The following CDH12 variants were observed in gnomAD, a reference collection of about 807,000 sequenced individuals.
The protein encoded by CDH12 is cadherin 12, also known as cadherin-12.
Under a neutral mutation model 74.1 loss-of-function variants are expected in CDH12, and 41 were observed. The observed-to-expected ratio is 0.55, with a 90% CI of 0.43 to 0.72. CDH12 has a LOEUF of 0.72. Among genes scored for constraint, CDH12 ranks in the 30% least tolerant of loss-of-function variants. CDH12 has a pLI of 0.00. For missense variants in CDH12, 945 were observed against 977.2 expected, an observed-to-expected ratio of 0.97 and a Z score of 0.44; for synonymous variants, 399 against 355.0, an observed-to-expected ratio of 1.12 and a Z score of -1.39.
At chr5:22,005,712 A>C (rs116168157) in intron 5 of CDH12, among the ~76,000 whole-genome samples, 6,886 of 152,228 alleles carry the variant, frequency 0.045, 394 homozygotes, top group African/African-American at 0.14. Flanking sequence ...TTTACACTGC[A>C]AATATACCCA....
intron 1 of CDH12, among the ~76,000 whole-genome samples, chr5:22,609,685 G>A (rs1358870255): frequency 6.6e-6 from 1 of 152,064 alleles, no homozygotes; most frequent in African/African-American, 2.4e-5. Context: ...TTTAATGCAT[G>A]GTTTGATATT....
chr5:22,337,056 T>C (rs1156610032), intron 3 of CDH12, among the ~76,000 whole-genome samples: 1 of 152,092 alleles, frequency 6.6e-6, no homozygotes, highest in Non-Finnish European at 1.5e-5. Flanking sequence ...AGACACAGAG[T>C]CAAAGGAGAT....
chr5:22,098,124 C>A (rs1743907987), intron 4 of CDH12, among the ~76,000 whole-genome samples: 1 of 152,146 alleles, frequency 6.6e-6, no homozygotes, highest in African/African-American at 2.4e-5. Context: ...CACCCTTCAT[C>A]CCAGCCTCTC....
At chr5:22,113,912 T>C (rs1308930779) in intron 4 of CDH12, among the ~76,000 whole-genome samples, 2 of 152,190 alleles carry the variant, frequency 1.3e-5, no homozygotes, top group Non-Finnish European at 2.9e-5. Context: ...CTGCTTACTC[T>C]GACTTCAGCC....
intron 1 of CDH12, among the ~76,000 whole-genome samples, chr5:22,835,896 T>C (rs1387973973): frequency 1.3e-5 from 2 of 152,106 alleles, no homozygotes; most frequent in African/African-American, 4.8e-5. Context: ...TTCAGGGAAG[T>C]GATTGTCCTA....
At chr5:22,007,639 G>C (rs1580103934) in intron 5 of CDH12, among the ~76,000 whole-genome samples, 1 of 152,086 alleles carries the variant, frequency 6.6e-6, no homozygotes, top group East Asian at 1.9e-4. Flanking sequence ...TAATTCCACT[G>C]TTATTGTTAG....
At chr5:22,843,813 A>C (rs542968233) in intron 1 of CDH12, among the ~76,000 whole-genome samples, 1 of 152,238 alleles carries the variant, frequency 6.6e-6, no homozygotes, top group Admixed American at 6.5e-5. Flanking sequence ...AGACATCTAA[A>C]GAAAGCAATT....
At chr5:21,949,673 G>GT in intron 6 of CDH12, among the ~76,000 whole-genome samples, 1 of 152,058 alleles carries the variant, frequency 6.6e-6, no homozygotes. Context: ...TTGTGTCTTT[G>GT]TTTTTAACAA....
chr5:22,306,425 A>G (rs1053729378), intron 3 of CDH12, among the ~76,000 whole-genome samples: 8 of 152,158 alleles, frequency 5.3e-5, no homozygotes, highest in Non-Finnish European at 1.2e-4. Context: ...TAGAACTAAG[A>G]TATGGACAGA....
At chr5:22,180,786 C>A (rs1749602336) in intron 4 of CDH12, among the ~76,000 whole-genome samples, 1 of 152,054 alleles carries the variant, frequency 6.6e-6, no homozygotes, top group Non-Finnish European at 1.5e-5. Flanking sequence ...TGGGCATGAG[C>A]CACCGTGCCC....
intron 4 of CDH12, among the ~76,000 whole-genome samples, chr5:22,189,321 T>C (rs540036930): frequency 6.6e-6 from 1 of 152,178 alleles, no homozygotes; most frequent in Admixed American, 6.5e-5. Context: ...TCACTAACAA[T>C]TGATTACAGT....
chr5:22,693,553 G>GA (rs1033984590), intron 1 of CDH12, among the ~76,000 whole-genome samples: 4 of 151,052 alleles, frequency 2.6e-5, no homozygotes, highest in African/African-American at 9.7e-5. Flanking sequence ...TTGAAAATTT[G>GA]AAAAAAAATT....
At chr5:22,760,170 T>A (rs1489299534) in intron 1 of CDH12, among the ~76,000 whole-genome samples, 3 of 152,170 alleles carry the variant, frequency 2.0e-5, no homozygotes, top group African/African-American at 4.8e-5. Context: ...GGAACAACAA[T>A]TTTTCTGGTG....
chr5:22,052,551 A>G (rs1317862979), intron 5 of CDH12, among the ~76,000 whole-genome samples: 1 of 151,876 alleles, frequency 6.6e-6, no homozygotes, highest in Non-Finnish European at 1.5e-5. Flanking sequence ...ATACTAGTCT[A>G]TTTCACTCCT....
intron 6 of CDH12, among the ~76,000 whole-genome samples, chr5:21,910,649 A>G (rs1753822187): frequency 6.7e-6 from 1 of 149,616 alleles, no homozygotes; most frequent in South Asian, 2.1e-4. Flanking sequence ...AAGGAGAGGT[A>G]TTTTCCAAGA....
intron 1 of CDH12, among the ~76,000 whole-genome samples, chr5:22,837,661 A>G (rs1218031910): frequency 1.3e-5 from 2 of 152,212 alleles, no homozygotes; most frequent in East Asian, 3.8e-4. Context: ...AGTGTTGAAC[A>G]TTTTATGACA....
At chr5:22,231,522 C>T (rs1267235405) in intron 3 of CDH12, among the ~76,000 whole-genome samples, 1 of 151,812 alleles carries the variant, frequency 6.6e-6, no homozygotes, top group Non-Finnish European at 1.5e-5. Context: ...AATGCTAGTG[C>T]CAAAATAACT....
intron 12 of CDH12, among the ~76,000 whole-genome samples, chr5:21,762,405 AATAG>A (rs1433820652): frequency 2.6e-5 from 4 of 152,122 alleles, no homozygotes; most frequent in Non-Finnish European, 5.9e-5. Flanking sequence ...ATAGGTAGAT[AATAG>A]ATAGTAGCAT....
chr5:22,458,830 AAT>A (rs1745392859), intron 2 of CDH12, among the ~76,000 whole-genome samples: 1 of 152,276 alleles, frequency 6.6e-6, no homozygotes, highest in African/African-American at 2.4e-5. Flanking sequence ...AGCTATAGTT[AAT>A]CATGCTTTGT....
Sources: allele counts gnomAD v4.1 joint callset (sites outside exome capture counted in the v4.1 genomes callset), GRCh38; gene constraint gnomAD v4.1.1; transcripts MANE v1.5; gene names NCBI Gene and HGNC (gene_info 2026-07-23, HGNC 2026-07-21).